ANK2: variants seen among roughly 807,000 people sequenced by gnomAD.
ANK2 encodes ankyrin 2, also known as ankyrin-2.
In ANK2, 83 loss-of-function variants were observed where a neutral mutation model predicts 360.5. The ratio of observed to expected loss-of-function variants is 0.23; its 90% confidence interval spans 0.19 to 0.28. The LOEUF (loss-of-function observed/expected upper bound fraction) is 0.28. Among genes scored for constraint, ANK2 ranks in the 10% least tolerant of loss-of-function variants. ANK2 has a pLI of 1.00. For missense variants in ANK2, 4,201 were observed against 4,795.7 expected (o/e 0.88, Z 3.66); for synonymous variants, 1,740 against 1,759.5 (o/e 0.99, Z 0.28).
At chr4:112,810,979 A>G in the ANK2 span, among the ~76,000 whole-genome samples, 1 of 141,612 alleles carries the variant, frequency 7.1e-6, no homozygotes, top group East Asian at 2.1e-4. Context: ...TCTGTCGCCC[A>G]GGCTGGAGGG....
In ANK2 at chr4:112,842,034, G is replaced by A. The variant is rs114429423; in HGVS notation, c.-40+23770G>A. Among the ~76,000 whole-genome samples, 733 of 151,526 alleles carry A rather than the reference G, an allele frequency of 4.8e-3. 7 individuals carry two copies. The highest frequency in any genetic ancestry group is 0.017 in the African/African-American group (688 of 41,298). Reference sequence around the variant, plus strand: ...TCTTTTCTTTTTTTTTTGAGATGGAGCCTCTTGCTCTGTTGTCCAGGCTGG... The same window carrying A: ...TCTTTTCTTTTTTTTTTGAGATGGAACCTCTTGCTCTGTTGTCCAGGCTGG... On this transcript the variant is annotated intron_variant, in intron 1 of 30. Transcript: ENST00000503271.
chr4:113,359,077 A>C lies in ANK2; in HGVS notation c.10459A>C (p.Lys3487Gln). ...TGAGGAGATTAGTGATGAGGCTTCC[A>C]AATTAGTGGATAGGCTGACACAGTC... Reference protein sequence around the residue: ...FFEEISDEASKLVDRLTQSER... With the variant: ...FFEEISDEASQLVDRLTQSER... The change falls in exon 38 of 46, where the codon AAA becomes CAA. Residue 3487 changes from lysine to glutamine, a missense_variant. Transcript: ENST00000357077. The C allele has an allele frequency of 6.2e-7, 1 of 1,614,106 alleles. No homozygotes were observed.
At chr4:113,308,126 A>G (rs1202280194) in intron 23 of ANK2, among the ~76,000 whole-genome samples, 1 of 152,246 alleles carries the variant, frequency 6.6e-6, no homozygotes, top group African/African-American at 2.4e-5. Context: ...GATTCTCTTA[A>G]AGCTGTCTGA....
At chr4:112,744,349 A>ATT in the ANK2 span, among the ~76,000 whole-genome samples, 79,132 of 139,924 alleles carry the variant, frequency 0.57, 22,945 homozygotes, top group East Asian at 0.91. Context: ...TTAGGATATG[A>ATT]TTTTTTTTTT....
At chr4:113,315,567 C>A (rs1398610017) in intron 24 of ANK2, among the ~76,000 whole-genome samples, 1 of 152,022 alleles carries the variant, frequency 6.6e-6, no homozygotes, top group East Asian at 1.9e-4. Flanking sequence ...CTTCCTTAGC[C>A]AAATTCAAAA....
At chr4:113,011,228 AGATAAAATGTTTAAGCTGG>A (rs1409536558) in intron 2 of ANK2, among the ~76,000 whole-genome samples, 3 of 152,124 alleles carry the variant, frequency 2.0e-5, no homozygotes, top group Non-Finnish European at 4.4e-5. Flanking sequence ...TATTCAGGTG[AGATAAAATGTTTAAGCTGG>A]GATAAATGTT....
chr4:113,321,930 G>A (rs1489549874), intron 26 of ANK2, among the ~76,000 whole-genome samples: 1 of 151,996 alleles, frequency 6.6e-6, no homozygotes, highest in Non-Finnish European at 1.5e-5. Flanking sequence ...GACAGGGTTC[G>A]CCAGTTAGCC....
At chr4:112,922,116 A>G (rs551044095) in intron 2 of ANK2, among the ~76,000 whole-genome samples, 45 of 152,362 alleles carry the variant, frequency 3.0e-4, no homozygotes, top group African/African-American at 1.1e-3. Context: ...GTGCCCACAT[A>G]CACCAGTTTC....
chr4:112,739,790 G>A, the ANK2 span, among the ~76,000 whole-genome samples: 1 of 151,484 alleles, frequency 6.6e-6, no homozygotes, highest in South Asian at 2.1e-4. Context: ...AATACTAAAA[G>A]AAATAAATAT....
At chr4:112,922,210 T>A (rs1234971592) in intron 2 of ANK2, among the ~76,000 whole-genome samples, 1 of 152,164 alleles carries the variant, frequency 6.6e-6, no homozygotes, top group African/African-American at 2.4e-5. Flanking sequence ...AGAAAGCATT[T>A]TTTGAGTATA....
At chr4:113,237,485 A>G in intron 6 of ANK2, 114 bp from the exon 7 acceptor site, 1 of 1,020,594 alleles carries the variant, frequency 9.8e-7, no homozygotes, top group Non-Finnish European at 1.6e-6. Context: ...TTCCAGTAGA[A>G]TGCATTTTGC....
Position 113,332,018 on chromosome 4 carries a change from A to G in ANK2, c.3172A>G (p.Ser1058Gly). The G allele has an allele frequency of 6.2e-7, 1 of 1,614,110 alleles. No homozygotes were observed. Among genetic ancestry groups the G allele is most frequent in the Non-Finnish European group, 8.5e-7 (1 of 1,180,022 alleles). ...TCCTCCCCCACTTAATGAGGGAGAA[A>G]GTTTGGTCAGCCGCATTCTTCAGCT... Reference protein sequence around the residue: ...TAPPPLNEGESLVSRILQLGP... With the variant: ...TAPPPLNEGEGLVSRILQLGP... Residue 1058 changes from serine to glycine, a missense_variant, in exon 28 of 46, where the codon AGT becomes GGT. By Grantham distance (56) the Ser-to-Gly change is moderately conservative. Around this residue, in one of 4 missense-constraint regions of ANK2, gnomAD observed 1,268 missense variants for 1,650.8 expected, o/e 0.77. Transcript: ENST00000357077.
At chr4:113,071,958 GCCCC>G (rs1417413188) in intron 1 of ANK2, 1 of 152,240 alleles carries the variant, frequency 6.6e-6, no homozygotes, top group Non-Finnish European at 1.5e-5. Context: ...AAAGGGGGAT[GCCCC>G]TTATAAAGCC....
chr4:113,083,693 C>CA (rs2083346187), intron 1 of ANK2, among the ~76,000 whole-genome samples: 1 of 152,170 alleles, frequency 6.6e-6, no homozygotes, highest in Non-Finnish European at 1.5e-5. Context: ...TAGATGCATT[C>CA]ATTTATAGTG....
chr4:112,717,096 A>G, the ANK2 span, among the ~76,000 whole-genome samples: 2 of 152,210 alleles, frequency 1.3e-5, no homozygotes, highest in Admixed American at 1.3e-4. Flanking sequence ...ACTAATATAC[A>G]AGTTATTTAT....
chr4:113,111,846 G>T (rs975324484), intron 1 of ANK2, among the ~76,000 whole-genome samples: 1 of 152,188 alleles, frequency 6.6e-6, no homozygotes, highest in African/African-American at 2.4e-5. Context: ...GTGAATATTA[G>T]TAATTGCAGT....
At chr4:113,015,121 G>A (rs1233989997) in intron 2 of ANK2, among the ~76,000 whole-genome samples, 2 of 152,040 alleles carry the variant, frequency 1.3e-5, no homozygotes, top group Non-Finnish European at 2.9e-5. Flanking sequence ...GCCTCCCAAA[G>A]TGCTGGGATT....
Position 113,232,011 on chromosome 4 carries a change from G to A in ANK2, c.385-150G>A, listed in dbSNP as rs362465. 7,671 of 631,380 alleles carry A rather than the reference G, an allele frequency of 0.012. 702 individuals are homozygous for A. The East Asian group carries it at 0.2, about 17-fold the overall frequency. The allele number at this position is 631,380 out of a possible 1,614,324, so 39.1% of individuals were successfully genotyped here. A position where few individuals can be genotyped will look rare whatever the true frequency, so the allele number is the denominator to read the frequency against. ...TTGTGTATGGGGCTTGATTCACTGC[G>A]ATTTTGTCTAGCTTTATAATGATAA... On this transcript the variant is annotated intron_variant, in intron 4 of 45. Transcript: ENST00000357077.
chr4:113,196,274 C>A, intron 2 of ANK2, 94 bp from the exon 3 acceptor site: 1 of 905,436 alleles, frequency 1.1e-6, no homozygotes, highest in Non-Finnish European at 1.8e-6. Flanking sequence ...AGATCAGAGT[C>A]TGTCTGTTCT....
Sources: allele counts gnomAD v4.1 joint callset (sites outside exome capture counted in the v4.1 genomes callset), GRCh38; gene constraint gnomAD v4.1.1; regional missense constraint gnomAD v4.1.1; transcripts MANE v1.5; gene names NCBI Gene and HGNC (gene_info 2026-07-23, HGNC 2026-07-21).